ALCAM: variants seen among roughly 807,000 people sequenced by gnomAD.
ALCAM encodes the protein activated leukocyte cell adhesion molecule, also known as CD166 antigen.
In ALCAM, 30 loss-of-function variants were observed where a neutral mutation model predicts 70.9. That is an observed-to-expected ratio of 0.42 (90% confidence interval 0.32 to 0.57). The LOEUF is 0.57. ALCAM is among the 20% of genes least tolerant of loss of function. The probability of loss-of-function intolerance (pLI) is 0.11; values close to 1 mark genes in which losing one functional copy is unlikely to be tolerated. For missense variants in ALCAM, 591 were observed against 695.1 expected (o/e 0.85, Z 1.68); for synonymous variants, 249 against 242.5 (o/e 1.03, Z -0.25).
At chr3:105,567,817 G>A (rs1278083095) in intron 14 of ALCAM, among the ~76,000 whole-genome samples, 4 of 151,952 alleles carry the variant, frequency 2.6e-5, no homozygotes, top group Non-Finnish European at 5.9e-5. Flanking sequence ...TCTATTCAGT[G>A]TATGTATTGT....
intron 1 of ALCAM, among the ~76,000 whole-genome samples, chr3:105,442,695 G>A (rs967976260): frequency 6.6e-6 from 1 of 151,776 alleles, no homozygotes; most frequent in Non-Finnish European, 1.5e-5. Flanking sequence ...GCAGGAGAAT[G>A]ATGTGAACCC....
chr3:105,487,256 A>G (rs1290738949), intron 1 of ALCAM, among the ~76,000 whole-genome samples: 2 of 152,084 alleles, frequency 1.3e-5, no homozygotes, highest in African/African-American at 4.8e-5. Flanking sequence ...CCAGATCCTT[A>G]TAGAGAGTTA....
intron 1 of ALCAM, among the ~76,000 whole-genome samples, chr3:105,518,736 T>C (rs1002952920): frequency 2.0e-5 from 3 of 152,042 alleles, no homozygotes; most frequent in Admixed American, 6.6e-5. Flanking sequence ...ATGTCTCAAG[T>C]AGTAAATGAA....
At chr3:105,447,902 T>G (rs145595534) in intron 1 of ALCAM, among the ~76,000 whole-genome samples, 1 of 152,214 alleles carries the variant, frequency 6.6e-6, no homozygotes, top group Non-Finnish European at 1.5e-5. Context: ...TTCTTTCTAA[T>G]GTTCTCAAGA....
At chr3:105,552,915 T>C (rs1275752928) in intron 14 of ALCAM, 2 of 1,068,706 alleles carry the variant, frequency 1.9e-6, no homozygotes, top group African/African-American at 1.7e-5. Context: ...TTGGTTGAAG[T>C]TGGAGAAGAT....
chr3:105,553,070 AAG>A (rs1940446562), intron 14 of ALCAM: 1 of 991,474 alleles, frequency 1.0e-6, no homozygotes, highest in African/African-American at 1.7e-5. Flanking sequence ...TGATCCATAT[AAG>A]AGTCTATATC....
intron 1 of ALCAM, among the ~76,000 whole-genome samples, chr3:105,370,546 C>A (rs959048173): frequency 1.3e-5 from 2 of 152,034 alleles, no homozygotes; most frequent in African/African-American, 4.8e-5. Context: ...AGGTAAAAAA[C>A]CAATTTAGGC....
intron 2 of ALCAM, 83 bp from the exon 3 acceptor site, chr3:105,524,206 G>A (rs1939630685): frequency 8.6e-7 from 1 of 1,160,784 alleles, no homozygotes; most frequent in African/African-American, 1.6e-5. Flanking sequence ...GGTAGAATAT[G>A]GCCAAGGAAA....
intron 3 of ALCAM, chr3:105,525,224 T>C (rs1939669870): frequency 9.1e-6 from 9 of 985,110 alleles, no homozygotes; most frequent in African/African-American, 1.7e-5. Flanking sequence ...AGAGTAGTGA[T>C]GGAAGAAGAG....
At chr3:105,470,127 A>G (rs926625759) in intron 1 of ALCAM, among the ~76,000 whole-genome samples, 1 of 55,072 alleles carries the variant, frequency 1.8e-5, no homozygotes, top group Non-Finnish European at 3.6e-5. Context: ...GATATGTTAT[A>G]TACATACACA....
intron 1 of ALCAM, among the ~76,000 whole-genome samples, chr3:105,475,549 G>A (rs1165376884): frequency 6.6e-6 from 1 of 151,906 alleles, no homozygotes; most frequent in Non-Finnish European, 1.5e-5. Flanking sequence ...GTTAATTGGC[G>A]CATAAGTTTT....
At chr3:105,480,136 G>A (rs749886507) in intron 1 of ALCAM, among the ~76,000 whole-genome samples, 1 of 152,002 alleles carries the variant, frequency 6.6e-6, no homozygotes, top group Non-Finnish European at 1.5e-5. Context: ...GATTACCTGA[G>A]GTCTGGAGTT....
In ALCAM at chr3:105,493,363, T is replaced by A. The variant is rs538093393; in HGVS notation, c.74-26704T>A. On this transcript the variant is annotated intron_variant, in intron 1 of 15. Transcript: ENST00000306107. The stretch of plus-strand genomic sequence containing the variant: ...CACATTCTGATGTGCCAGGCTCTGG[T>A]AAGCAGAATAATGATCTCCCCAAAG... Among the ~76,000 whole-genome samples the A allele has an allele frequency of 2.0e-5, 3 of 152,286 alleles. No homozygotes were observed. The East Asian group carries it at 5.8e-4, about 29-fold the overall frequency.
At chr3:105,370,029 A>G (rs999258208) in intron 1 of ALCAM, among the ~76,000 whole-genome samples, 6 of 152,198 alleles carry the variant, frequency 3.9e-5, no homozygotes, top group Admixed American at 6.5e-5. Flanking sequence ...GGGGCGCTGC[A>G]GTTAACTCTT....
chr3:105,428,841 T>G (rs150030265), intron 1 of ALCAM, among the ~76,000 whole-genome samples: 2 of 151,994 alleles, frequency 1.3e-5, no homozygotes, highest in African/African-American at 4.8e-5. Context: ...TAGCCTGGAA[T>G]TGGTATGAAT....
intron 1 of ALCAM, among the ~76,000 whole-genome samples, chr3:105,496,449 G>C (rs1938740288): frequency 6.6e-6 from 1 of 152,152 alleles, no homozygotes; most frequent in South Asian, 2.1e-4. Context: ...AGGATGGAGG[G>C]AAAGAGGAAG....
At chr3:105,531,473 A>G (rs571932434) in intron 3 of ALCAM, 1 of 152,756 alleles carries the variant, frequency 6.5e-6, no homozygotes, top group South Asian at 2.1e-4. Flanking sequence ...CTCAAACTTT[A>G]TGGTGACTGA....
intron 1 of ALCAM, among the ~76,000 whole-genome samples, chr3:105,412,568 T>C (rs985559989): frequency 1.1e-4 from 16 of 152,126 alleles, no homozygotes; most frequent in Admixed American, 8.5e-4. Flanking sequence ...AGTAGAAGAA[T>C]TGTAATTCAG....
intron 3 of ALCAM, among the ~76,000 whole-genome samples, chr3:105,525,805 C>T (rs1939690504): frequency 6.6e-6 from 1 of 152,158 alleles, no homozygotes; most frequent in Non-Finnish European, 1.5e-5. Context: ...AGTTGATTAC[C>T]TTTCAGCTTA....
Sources: allele counts gnomAD v4.1 joint callset (sites outside exome capture counted in the v4.1 genomes callset), GRCh38; gene constraint gnomAD v4.1.1; transcripts MANE v1.5; gene names NCBI Gene and HGNC (gene_info 2026-07-23, HGNC 2026-07-21).